The following C5 variants were observed in gnomAD, a reference collection of about 807,000 sequenced individuals.
The protein encoded by C5 is complement C5, also known as C3 and PZP-like alpha-2-macroglobulin domain-containing protein 4.
In C5, 140 loss-of-function variants were observed where a neutral mutation model predicts 218.8. The observed-to-expected ratio is 0.64, with a 90% CI of 0.56 to 0.74. The LOEUF (loss-of-function observed/expected upper bound fraction) is 0.74, where lower values mean the gene tolerates loss of function less well. C5 is among the 30% of genes least tolerant of loss of function. The probability of loss-of-function intolerance (pLI) is 0.00; values close to 1 mark genes in which losing one functional copy is unlikely to be tolerated. For synonymous variants in C5, 614 were observed against 682.3 expected, an observed-to-expected ratio of 0.90 and a Z score of 1.56; for missense variants, 1,700 against 1,969.6, an observed-to-expected ratio of 0.86 and a Z score of 2.59.
intron 32 of C5, among the ~76,000 whole-genome samples, chr9:120,969,641 G>C (rs969717850): frequency 6.6e-6 from 1 of 152,132 alleles, no homozygotes; most frequent in Admixed American, 6.5e-5. Context: ...TAAATAAAAG[G>C]GTCAGGGGTA....
At chr9:121,002,754 A>T (rs2047182940) in intron 20 of C5, among the ~76,000 whole-genome samples, 1 of 152,134 alleles carries the variant, frequency 6.6e-6, no homozygotes, top group Non-Finnish European at 1.5e-5. Flanking sequence ...TTCATGAAGC[A>T]TTCTGTCTGC....
intron 20 of C5, among the ~76,000 whole-genome samples, chr9:121,001,026 T>C (rs2047157082): frequency 6.6e-6 from 1 of 152,184 alleles, no homozygotes; most frequent in Non-Finnish European, 1.5e-5. Context: ...ACAGATTTTA[T>C]AACATACAAA....
chr9:120,976,584 T>C (rs1428586770), intron 29 of C5, 116 bp downstream of exon 29: 1 of 844,248 alleles, frequency 1.2e-6, no homozygotes, highest in African/African-American at 1.7e-5. Context: ...TTCTAGGCAT[T>C]ATTCATATCT....
At chr9:121,052,766 C>G (rs1319489072), upstream of C5, among the ~76,000 whole-genome samples, 2 of 152,100 alleles carry the variant, frequency 1.3e-5, no homozygotes, top group Admixed American at 6.5e-5. Context: ...CACCTTGACA[C>G]CAAGGTGCTC....
At chr9:120,992,727 C>A (rs181756316) in intron 22 of C5, among the ~76,000 whole-genome samples, 5 of 152,144 alleles carry the variant, frequency 3.3e-5, no homozygotes, top group Non-Finnish European at 7.4e-5. Context: ...AGGTTCCAGA[C>A]AGATTAAAAC....
At chr9:121,074,628 C>T in the C5 span, 1 of 367,056 alleles carries the variant, frequency 2.7e-6, no homozygotes, top group South Asian at 2.0e-5. Context: ...CGGACACAGG[C>T]CCTGAGAAGC....
chr9:121,025,838 C>T (rs942442873), intron 8 of C5: 9 of 360,892 alleles, frequency 2.5e-5, no homozygotes, highest in Non-Finnish European at 3.6e-5. Flanking sequence ...CTGACAAACA[C>T]GACTTCTTCC....
the C5 span, among the ~76,000 whole-genome samples, chr9:121,074,490 T>G: frequency 2.6e-5 from 4 of 152,200 alleles, no homozygotes; most frequent in Non-Finnish European, 4.4e-5. Context: ...GTTCGGTCCC[T>G]GGAGGGAATT....
chr9:121,000,198 G>C (rs915130574), intron 20 of C5: 2 of 167,720 alleles, frequency 1.2e-5, no homozygotes, highest in Non-Finnish European at 2.6e-5. Context: ...AGGATAAAGA[G>C]ATGTAAAAGA....
intron 20 of C5, among the ~76,000 whole-genome samples, chr9:121,001,158 T>C (rs2047158282): frequency 6.6e-6 from 1 of 152,166 alleles, no homozygotes; most frequent in Admixed American, 6.5e-5. Flanking sequence ...AATAAGTACA[T>C]TTGTTGAGTA....
Position 121,020,943 on chromosome 9 carries a change from C to T in C5, c.1302+566G>A, listed in dbSNP as rs1246671227. On this transcript the variant is annotated intron_variant, in intron 11 of 40. Transcript: ENST00000223642. Reference sequence around the variant, plus strand: ...CATGATGCCTAGCATTTAGTAAGTGCTCAATAGATGACAGTGAGCATATGC... The same window carrying T: ...CATGATGCCTAGCATTTAGTAAGTGTTCAATAGATGACAGTGAGCATATGC... 2.0e-5 allele frequency among the ~76,000 whole-genome samples: 3 copies of T among 152,216 alleles called. No individual in the cohort carries two copies. In the East Asian group the frequency reaches 5.8e-4, roughly 29 times the overall value.
chr9:121,066,238 G>A, the C5 span, among the ~76,000 whole-genome samples: 1 of 150,668 alleles, frequency 6.6e-6, no homozygotes, highest in Non-Finnish European at 1.5e-5. Context: ...CTTGAACCCG[G>A]GAGGCAGAGG....
chr9:121,052,124 G>C (rs935475831), upstream of C5, among the ~76,000 whole-genome samples: 1 of 152,046 alleles, frequency 6.6e-6, no homozygotes, highest in African/African-American at 2.4e-5. Flanking sequence ...GCTGTGTTTA[G>C]TCAAAATTTT....
At chr9:120,969,965 T>C (rs2046898296) in intron 32 of C5, among the ~76,000 whole-genome samples, 1 of 152,266 alleles carries the variant, frequency 6.6e-6, no homozygotes, top group African/African-American at 2.4e-5. Flanking sequence ...GTCATTGTTA[T>C]TTAATATTAG....
rs537502274 is a variant in C5, at chr9:120,959,543, G to A, written c.4678+705C>T. ...CCCAAAGTGCTGGTATTACAGGCAT[G>A]AGCCACTGCGCCCGGCTCCACCCTT... On this transcript the variant is annotated intron_variant, in intron 38 of 40. Transcript: ENST00000223642. Among the ~76,000 whole-genome samples, 21 of 152,230 alleles carry A rather than the reference G, an allele frequency of 1.4e-4. No individual in the cohort carries two copies. The South Asian group carries it at 2.3e-3, about 17-fold the overall frequency.
chr9:121,068,458 A>T, the C5 span, among the ~76,000 whole-genome samples: 9 of 152,290 alleles, frequency 5.9e-5, no homozygotes, highest in East Asian at 1.2e-3. Context: ...ACTACAAAAC[A>T]CTGATGGAAG....
At chr9:120,971,280 T>C (rs1268980765) in intron 31 of C5, among the ~76,000 whole-genome samples, 2 of 150,998 alleles carry the variant, frequency 1.3e-5, no homozygotes, top group Non-Finnish European at 2.9e-5. Flanking sequence ...ATAAATGAGA[T>C]GGGATAGAAA....
At chr9:121,035,661 A>T (rs915404208) in intron 4 of C5, among the ~76,000 whole-genome samples, 4 of 151,792 alleles carry the variant, frequency 2.6e-5, no homozygotes, top group African/African-American at 9.7e-5. Flanking sequence ...CTTTGAACTC[A>T]CAGGCTCAAG....
chr9:121,039,313 A>C lies in C5; in HGVS notation c.422-1362T>G, dbSNP rs1343387228. Among the ~76,000 whole-genome samples the C allele has an allele frequency of 3.3e-5, 5 of 152,142 alleles. No individual in the cohort carries two copies. The South Asian group carries it at 1.0e-3, about 31-fold the overall frequency. On this transcript the variant is annotated intron_variant, in intron 3 of 40. Coordinates refer to ENST00000223642, the MANE Select transcript of C5 (RefSeq NM_001735.3). The stretch of plus-strand genomic sequence containing the variant: ...TGTCTTCACAGCGATGGTACATTGG[A>C]GGCAAGATCTATACAATTTTTTGTA...
Sources: allele counts gnomAD v4.1 joint callset (sites outside exome capture counted in the v4.1 genomes callset), GRCh38; gene constraint gnomAD v4.1.1; transcripts MANE v1.5; gene names NCBI Gene and HGNC (gene_info 2026-07-23, HGNC 2026-07-21).